TNFRSF10D: variants seen among roughly 807,000 people sequenced by gnomAD.
TNFRSF10D encodes the protein TNF receptor superfamily member 10d, also known as tumor necrosis factor receptor superfamily member 10D.
TNFRSF10D carries 28 observed loss-of-function variants against 42.1 expected under a neutral mutation model. The ratio of observed to expected loss-of-function variants is 0.66; its 90% confidence interval spans 0.49 to 0.91. TNFRSF10D has a LOEUF of 0.91. Among genes scored for constraint, TNFRSF10D ranks in the 40% least tolerant of loss-of-function variants. The pLI is 0.00. For missense variants in TNFRSF10D, 503 were observed against 486.1 expected (o/e 1.03, Z -0.33); for synonymous variants, 186 against 189.4 (o/e 0.98, Z 0.15).
intron 2 of TNFRSF10D, among the ~76,000 whole-genome samples, chr8:23,150,647 C>T (rs930187363): frequency 1.3e-5 from 2 of 152,164 alleles, no homozygotes; most frequent in Admixed American, 6.5e-5. Context: ...GGATAGACAA[C>T]TAAGTCATGT....
Position 23,137,031 on chromosome 8 carries a change from CTAA to C in TNFRSF10D, c.*836_*838del, listed in dbSNP as rs1258198945. The C allele has an allele frequency of 2.0e-5, 3 of 152,000 alleles. No homozygotes were observed. The highest frequency in any genetic ancestry group is 2.9e-5 in the Non-Finnish European group (2 of 68,012). 9.4% of individuals were successfully genotyped at this position (152,000 alleles called of 1,614,324 possible). A position where few individuals can be genotyped will look rare whatever the true frequency, so the allele number is the denominator to read the frequency against. Reference sequence around the variant, plus strand: ...TATCCAGGCAACCCATGTAAACAGCCTAATAAGTGCATTTCCTAAAGTTTTTCC... The same window carrying C: ...TATCCAGGCAACCCATGTAAACAGCCTAAGTGCATTTCCTAAAGTTTTTCC... On this transcript the variant is annotated 3_prime_UTR_variant, in exon 9 of 9. Transcript: ENST00000312584.
chr8:23,155,314 A>G (rs1800261395), intron 1 of TNFRSF10D, among the ~76,000 whole-genome samples: 1 of 150,934 alleles, frequency 6.6e-6, no homozygotes, highest in Admixed American at 6.6e-5. Context: ...AGGTGTGATC[A>G]TAGTCTACTA....
intron 6 of TNFRSF10D, 33 bp downstream of exon 6, chr8:23,145,025 C>T (rs777236355): frequency 1.6e-5 from 26 of 1,613,952 alleles, no homozygotes; most frequent in African/African-American, 1.2e-4. Context: ...CCTGAACCCA[C>T]GAAGCCCCCA....
At chr8:23,162,431 G>A (rs982754890) in intron 1 of TNFRSF10D, among the ~76,000 whole-genome samples, 3 of 150,792 alleles carry the variant, frequency 2.0e-5, no homozygotes, top group African/African-American at 7.5e-5. Context: ...TGTCACTGCT[G>A]TTCTGAATTT....
At chr8:23,156,587 C>T (rs960853102) in intron 1 of TNFRSF10D, among the ~76,000 whole-genome samples, 4 of 148,282 alleles carry the variant, frequency 2.7e-5, no homozygotes, top group South Asian at 2.1e-4. Context: ...TTTTTGGAGA[C>T]GGGATCTCCC....
At chr8:23,159,109 C>G (rs888874779) in intron 1 of TNFRSF10D, among the ~76,000 whole-genome samples, 19 of 151,360 alleles carry the variant, frequency 1.3e-4, no homozygotes, top group African/African-American at 4.6e-4. Flanking sequence ...GTGTGTGTGT[C>G]TGTGTCTGTG....
chr8:23,161,505 G>C (rs1244667097), intron 1 of TNFRSF10D, among the ~76,000 whole-genome samples: 3 of 152,184 alleles, frequency 2.0e-5, no homozygotes, highest in Non-Finnish European at 4.4e-5. Context: ...CCATTTACAG[G>C]CGTGGCAGGT....
rs1056225206 is a variant in TNFRSF10D, at chr8:23,136,914, G to A, written c.*956C>T. On this transcript the variant is annotated 3_prime_UTR_variant, in exon 9 of 9. Transcript: ENST00000312584. ...TGGTCCAGTCTCAGGGCGCAGGAGGGAGAACTGGAATGCAGTAAGTGCCTC... is the reference window on the plus strand; with the variant it reads ...TGGTCCAGTCTCAGGGCGCAGGAGGAAGAACTGGAATGCAGTAAGTGCCTC... The A allele has an allele frequency of 6.6e-6, 1 of 152,134 alleles. No individual in the cohort carries two copies. The allele number at this position is 152,134 out of a possible 1,614,324, so 9.4% of individuals were successfully genotyped here.
Position 23,163,792 on chromosome 8 carries a change from C to G in TNFRSF10D, c.144G>C (p.Leu48=). Residue 48 remains leucine, a synonymous_variant, in exon 1 of 9, where the codon CTG becomes CTC. Coordinates refer to ENST00000312584, the MANE Select transcript of TNFRSF10D (RefSeq NM_003840.5). Reference sequence around the variant, plus strand: ...GACCGCGGCGGAGACTCACCGGCAGCAGAACCGCGACGATGAAGACGACGA... The same window carrying G: ...GACCGCGGCGGAGACTCACCGGCAGGAGAACCGCGACGATGAAGACGACGA... The part of the protein sequence containing the change: ...LKFVVFIVAV[L]LPVRVDSATI... 1 of 1,609,340 alleles carries G rather than the reference C, an allele frequency of 6.2e-7. No individual in the cohort carries two copies. The highest frequency in any genetic ancestry group is 8.5e-7 in the Non-Finnish European group (1 of 1,178,572).
rs138976588 is a variant in TNFRSF10D at position 23,138,197 on chromosome 8, A to C, written c.1018T>G (p.Ser340Ala). The change falls in exon 8 of 9, where the codon TCC becomes GCC. Residue 340 changes from serine (S) to alanine (A), a missense_variant. Ser to Ala is a moderately conservative substitution (Grantham distance 99). Coordinates refer to ENST00000312584, the MANE Select transcript of TNFRSF10D (RefSeq NM_003840.5). ...RLLVPVNDAD[S>A]ADISTLLDAS... ...GGCACAAAACACTTACTGTCAGCGG[A>C]GTCAGCGTCATTCACTGGAACCAGC... is the stretch of plus-strand genomic sequence containing the variant. 1 of 1,614,078 alleles carries C rather than the reference A, an allele frequency of 6.2e-7. No homozygotes were observed. Among genetic ancestry groups the C allele is most frequent in the Non-Finnish European group, 8.5e-7 (1 of 1,180,026 alleles).
Position 23,138,006 on chromosome 8 carries a change from G to A in TNFRSF10D, c.1028-3C>T, listed in dbSNP as rs868670859. 1 of 1,613,910 alleles carries A rather than the reference G, an allele frequency of 6.2e-7. No individual in the cohort carries two copies. Among genetic ancestry groups the A allele is most frequent in the African/African-American group, 1.3e-5 (1 of 75,034 alleles). On this transcript the variant is annotated splice_polypyrimidine_tract_variant and splice_region_variant and intron_variant, in intron 8 of 8. Transcript: ENST00000312584. ...CGAGGCATCCAGCAAGGTGCTGACTGAGAAGAGAGAAGAGATTTAGGGTCT... is the reference window on the plus strand; with the variant it reads ...CGAGGCATCCAGCAAGGTGCTGACTAAGAAGAGAGAAGAGATTTAGGGTCT...
chr8:23,140,254 A>C (rs1312451742), intron 7 of TNFRSF10D, among the ~76,000 whole-genome samples: 2 of 152,188 alleles, frequency 1.3e-5, no homozygotes, highest in South Asian at 2.1e-4. Flanking sequence ...GCGCCACTGC[A>C]CTCCAGCCTG....
intron 1 of TNFRSF10D, among the ~76,000 whole-genome samples, chr8:23,157,994 A>G (rs1449666448): frequency 3.3e-5 from 5 of 152,230 alleles, no homozygotes; most frequent in Non-Finnish European, 7.3e-5. Flanking sequence ...CTTCCCAATA[A>G]GATTTCAGGA....
rs953735268 is a variant in TNFRSF10D at position 23,138,004 on chromosome 8, C to T, written c.1028-1G>A. ...GCCGAGGCATCCAGCAAGGTGCTGA[C>T]TGAGAAGAGAGAAGAGATTTAGGGT... On this transcript the variant is annotated splice_acceptor_variant, in intron 8 of 8. Coordinates refer to ENST00000312584, the MANE Select transcript of TNFRSF10D (RefSeq NM_003840.5). LOFTEE classifies it high-confidence loss of function. The T allele has an allele frequency of 1.9e-6, 3 of 1,613,900 alleles. No individual in the cohort carries two copies. The highest frequency in any genetic ancestry group is 2.5e-6 in the Non-Finnish European group (3 of 1,179,936).
intron 1 of TNFRSF10D, among the ~76,000 whole-genome samples, chr8:23,159,471 T>C (rs77116481): frequency 2.8e-3 from 426 of 151,330 alleles, no homozygotes; most frequent in African/African-American, 8.9e-3. Context: ...TTAGCCTCCA[T>C]ATATTTACTA....
At position 23,150,805 on chromosome 8, in the gene TNFRSF10D, C is replaced by T. The variant is rs1261197183; in HGVS notation, c.257-2254G>A. ...AATGTCAACAGCAGAGTTGATTAAT[C>T]GGAAGAAAGAATCAGTGAGCTTGAA... On this transcript the variant is annotated intron_variant, in intron 2 of 8. Coordinates refer to ENST00000312584, the MANE Select transcript of TNFRSF10D (RefSeq NM_003840.5). 3.3e-5 allele frequency among the ~76,000 whole-genome samples: 5 copies of T among 151,068 alleles called. No homozygotes were observed. In the South Asian group the frequency reaches 8.4e-4, roughly 25 times the overall value.
At chr8:23,138,321 C>A (rs370734972) in intron 7 of TNFRSF10D, 61 bp from the exon 8 acceptor site, 9 of 1,583,342 alleles carry the variant, frequency 5.7e-6, no homozygotes, top group Non-Finnish European at 7.8e-6. Context: ...CTAGTACTGA[C>A]CCTGACCACT....
intron 3 of TNFRSF10D, 50 bp from the exon 4 acceptor site, chr8:23,147,122 T>G: frequency 2.0e-6 from 3 of 1,489,770 alleles, no homozygotes; most frequent in Non-Finnish European, 2.8e-6. Flanking sequence ...GACATGTCTG[T>G]CCACCCTTCC....
rs1296927498 is a variant in TNFRSF10D at position 23,136,400 on chromosome 8, C to A, written c.*1470G>T. ...AAAACGCAGCTCAGGAATCTCTGCC[C>A]TAAAAGGCATCCCAGGGACTCAGTT... On this transcript the variant is annotated 3_prime_UTR_variant, in exon 9 of 9. Transcript: ENST00000312584. 2 of 181,466 alleles carry A rather than the reference C, an allele frequency of 1.1e-5. No individual in the cohort carries two copies. Among genetic ancestry groups the A allele is most frequent in the African/African-American group, 2.4e-5 (1 of 41,890 alleles). 11.2% of individuals were successfully genotyped at this position (181,466 alleles called of 1,614,324 possible).
Sources: allele counts gnomAD v4.1 joint callset (sites outside exome capture counted in the v4.1 genomes callset), GRCh38; gene constraint gnomAD v4.1.1; transcripts MANE v1.5; gene names NCBI Gene and HGNC (gene_info 2026-07-23, HGNC 2026-07-21).